Variants in FLII observed in about 807,000 individuals in gnomAD.
FLII encodes the protein FLII actin remodeling protein.
In FLII, 101 loss-of-function variants were observed where a neutral mutation model predicts 156.2. That is an observed-to-expected ratio of 0.65 (90% confidence interval 0.55 to 0.76). The LOEUF (loss-of-function observed/expected upper bound fraction) is 0.76, where lower values mean the gene tolerates loss of function less well. Among genes scored for constraint, FLII ranks in the 30% least tolerant of loss-of-function variants. FLII has a pLI of 0.00. For synonymous variants in FLII, 767 were observed against 685.8 expected (o/e 1.12, Z -1.85); for missense variants, 1,675 against 1,682.8 (o/e 1.00, Z 0.08).
At position 18,258,644 on chromosome 17, in the gene FLII, C is replaced by T. The variant is rs1198456025; in HGVS notation, c.47G>A (p.Ser16Asn). The change falls in exon 1 of 30, where the codon AGC (serine) becomes AAC (asparagine). Residue 16 changes from serine (S) to asparagine (N), a missense_variant. By Grantham distance (46) the Ser-to-Asn change is conservative. Coordinates refer to ENST00000327031, the MANE Select transcript of FLII (RefSeq NM_002018.4). The surrounding 1 kb of genome is among the most constrained non-coding windows in gnomAD (Gnocchi z 4.2). ...VLPFVRGVDLSGNDFKGGYFP... is the reference protein window; with the variant it reads ...VLPFVRGVDLNGNDFKGGYFP... The stretch of plus-strand genomic sequence containing the variant: ...CCGGCTCACCTTGAAGTCGTTGCCG[C>T]TGAGGTCCACGCCACGCACGAACGG... 1 of 1,558,102 alleles carries T rather than the reference C, an allele frequency of 6.4e-7. No individual in the cohort carries two copies. The highest frequency in any genetic ancestry group is 8.6e-7 in the Non-Finnish European group (1 of 1,162,104).
intron 14 of FLII, among the ~76,000 whole-genome samples, chr17:18,249,984 G>A (rs2048209988): frequency 6.6e-6 from 1 of 151,864 alleles, no homozygotes; most frequent in Non-Finnish European, 1.5e-5. Context: ...AGCTAGGCGT[G>A]GTAGCACATG....
At chr17:18,250,111 AGTCT>A (rs1270191165) in intron 14 of FLII, among the ~76,000 whole-genome samples, 6 of 152,230 alleles carry the variant, frequency 3.9e-5, no homozygotes, top group Middle Eastern at 3.2e-3. Flanking sequence ...ACAAAGCGAG[AGTCT>A]GTCTAAAATA....
Position 18,247,910 on chromosome 17 carries a change from C to T in FLII, c.2295+19G>A. 1 of 1,613,478 alleles carries T rather than the reference C, an allele frequency of 6.2e-7. No homozygotes were observed. Among genetic ancestry groups the T allele is most frequent in the South Asian group, 1.1e-5 (1 of 91,058 alleles). On this transcript the variant is annotated intron_variant, in intron 19 of 29. Coordinates refer to ENST00000327031, the MANE Select transcript of FLII (RefSeq NM_002018.4). Reference sequence around the variant, plus strand: ...ACGGGGAGGGATCTGGCCCCACGCCCTCCTCCTGCATCTCTTACCAGCCGC... The same window carrying T: ...ACGGGGAGGGATCTGGCCCCACGCCTTCCTCCTGCATCTCTTACCAGCCGC...
intron 9 of FLII, 110 bp from the exon 10 acceptor site, chr17:18,252,666 C>G: frequency 1.2e-6 from 1 of 806,734 alleles, no homozygotes; most frequent in South Asian, 1.4e-5. Context: ...GAGGAACTGG[C>G]GGGGGTCTCC....
intron 29 of FLII, 28 bp from the exon 30 acceptor site, chr17:18,245,300 G>C (rs370069054): frequency 1.2e-6 from 2 of 1,613,074 alleles, no homozygotes; most frequent in Non-Finnish European, 1.7e-6. Flanking sequence ...AGCCTTGGGT[G>C]ATGACCCTGC....
chr17:18,255,152 ACAGGGGC>A, intron 4 of FLII, 24 bp downstream of exon 4: 1 of 1,543,738 alleles, frequency 6.5e-7, no homozygotes, highest in Non-Finnish European at 9.0e-7. Flanking sequence ...TCCGGCTAGC[ACAGGGGC>A]CAGGTGAGTG....
rs2048301207 is a variant in FLII at position 18,252,498 on chromosome 17, C to T, written c.1072G>A (p.Ala358Thr). 1.2e-6 allele frequency: 2 copies of T among 1,613,772 alleles called. No individual in the cohort carries two copies. Among genetic ancestry groups the T allele is most frequent in the East Asian group, 2.2e-5 (1 of 44,886 alleles). ...TCGATCTCCGTCAGGAAATGGATGGCTTCTGGGAGGGTCACCAGGTGGTTC... is the reference window on the plus strand; with the variant it reads ...TCGATCTCCGTCAGGAAATGGATGGTTTCTGGGAGGGTCACCAGGTGGTTC... ...NKNHLVTLPE[A>T]IHFLTEIEVL... Residue 358 changes from alanine to threonine, a missense_variant, in exon 10 of 30, where the codon GCC (alanine) becomes ACC (threonine). Coordinates refer to ENST00000327031, the MANE Select transcript of FLII (RefSeq NM_002018.4).
rs747252738 is a variant in FLII at position 18,247,013 on chromosome 17, C to G, written c.2716G>C (p.Gly906Arg). The G allele has an allele frequency of 6.2e-7, 1 of 1,613,960 alleles. No individual in the cohort carries two copies. The highest frequency in any genetic ancestry group is 1.6e-4 in the Middle Eastern group (1 of 6,062). Residue 906 changes from glycine (G) to arginine (R), a missense_variant, in exon 22 of 30, where the codon GGC (glycine) becomes CGC (arginine). Gly to Arg is a moderately radical substitution (Grantham distance 125, BLOSUM62 -2). Transcript: ENST00000327031. Reference sequence around the variant, plus strand: ...CCCTCCAGCACGAAACCCTCCATGCCGTCTAGGTCTTCGTTCCACTCCTCC... The same window carrying G: ...CCCTCCAGCACGAAACCCTCCATGCGGTCTAGGTCTTCGTTCCACTCCTCC... ...LMEEWNEDLD[G>R]MEGFVLEGKK...
At chr17:18,256,687 G>A in intron 2 of FLII, 90 bp from the exon 3 acceptor site, 2 of 1,215,808 alleles carry the variant, frequency 1.6e-6, no homozygotes, top group Non-Finnish European at 1.2e-6. Flanking sequence ...CATCCAGGAA[G>A]GCCTCAGCCA....
Position 18,249,386 on chromosome 17 carries a change from T to C in FLII, c.1799A>G (p.Tyr600Cys). 2 of 1,614,062 alleles carry C rather than the reference T, an allele frequency of 1.2e-6. No individual in the cohort carries two copies. Among genetic ancestry groups the C allele is most frequent in the South Asian group, 2.2e-5 (2 of 91,082 alleles). ...FLQVFDNDIS[Y>C]IEGGTASGFY... is the part of the protein sequence containing the mutation. Reference sequence around the variant, plus strand: ...GCCACTGGCTGTTCCACCCTCAATGTAGGAGATGTCGTTGTCAAACACCTG... The same window carrying C: ...GCCACTGGCTGTTCCACCCTCAATGCAGGAGATGTCGTTGTCAAACACCTG... The change falls in exon 15 of 30, where the codon TAC becomes TGC. Residue 600 changes from tyrosine (Y) to cysteine (C), a missense_variant. Around this residue, in one of 2 missense-constraint regions of FLII, gnomAD observed 1,332 missense variants for 1,269.3 expected, o/e 1.05. Transcript: ENST00000327031.
intron 20 of FLII, 22 bp downstream of exon 20, chr17:18,247,635 G>C: frequency 6.4e-7 from 1 of 1,552,754 alleles, no homozygotes. Context: ...CTGGGGAGGG[G>C]CCTCCGAAGC....
chr17:18,247,856 C>G lies in FLII; in HGVS notation c.2296-8G>C. The G allele has an allele frequency of 2.5e-6, 4 of 1,614,014 alleles. No individual in the cohort carries two copies. Among genetic ancestry groups the G allele is most frequent in the Non-Finnish European group, 3.4e-6 (4 of 1,180,006 alleles). On this transcript the variant is annotated splice_region_variant and splice_polypyrimidine_tract_variant and intron_variant, in intron 19 of 29. Coordinates refer to ENST00000327031, the MANE Select transcript of FLII (RefSeq NM_002018.4). ...GTCCAGCAGACTCTGCAGCTGCGGA[C>G]CGGGAGTCTGGAGGTCAAAGCCCAG...
At position 18,251,282 on chromosome 17, in the gene FLII, A is replaced by C; in HGVS notation, c.1579T>G (p.Cys527Gly). ...GCCCTCACCTTGAGCACAATGTAGCAGTCAGCCTCGTAGAACTTGCCGTGG... is the reference window on the plus strand; with the variant it reads ...GCCCTCACCTTGAGCACAATGTAGCCGTCAGCCTCGTAGAACTTGCCGTGG... ...AFHGKFYEAD[C>G]YIVLKTFLDD... is the part of the protein sequence containing the mutation. The change falls in exon 13 of 30, where the codon TGC (cysteine) becomes GGC (glycine). Residue 527 changes from cysteine to glycine, a missense_variant. Transcript: ENST00000327031. 6.2e-7 allele frequency: 1 copy of C among 1,613,990 alleles called. No homozygotes were observed.
chr17:18,252,080 A>T lies in FLII; in HGVS notation c.1165T>A (p.Trp389Arg). The T allele has an allele frequency of 1.2e-6, 2 of 1,613,296 alleles. No individual in the cohort carries two copies. The highest frequency in any genetic ancestry group is 1.7e-6 in the Non-Finnish European group (2 of 1,180,010). The change falls in exon 11 of 30, where the codon TGG (tryptophan) becomes AGG (arginine). Residue 389 changes from tryptophan (W) to arginine (R), a missense_variant. Physicochemically the swap from Trp to Arg is moderately radical, Grantham distance 101. This residue lies in a region of FLII where 1,332 missense variants were observed against 1,269.3 expected (regional missense o/e 1.05). Coordinates refer to ENST00000327031, the MANE Select transcript of FLII (RefSeq NM_002018.4). ...PPKPADRAAEWYNIDFSLQNQ... is the reference protein window; with the variant it reads ...PPKPADRAAERYNIDFSLQNQ... ...TGCAGCGAGAAGTCGATGTTGTACC[A>T]CTCAGCGGCACGGTCTGCGGGCTTG...
Position 18,250,937 on chromosome 17 carries a change from A to G in FLII, c.1677T>C (p.Ala559=), listed in dbSNP as rs375133703. Residue 559 remains alanine, a synonymous_variant, in exon 14 of 30, where the codon GCT becomes GCC. Coordinates refer to ENST00000327031, the MANE Select transcript of FLII (RefSeq NM_002018.4). ...IGGEATLDKK[A]CSAIHAVNLR... is the part of the protein sequence containing the mutation. ...AGTTGACAGCGTGGATGGCAGAGCA[A>G]GCTTTCTTGTCGAGTGTGGCCTCCC... 2 of 1,613,854 alleles carry G rather than the reference A, an allele frequency of 1.2e-6. No individual in the cohort carries two copies. Among genetic ancestry groups the G allele is most frequent in the African/African-American group, 2.7e-5 (2 of 74,934 alleles).
chr17:18,252,112 A>C lies in FLII; in HGVS notation c.1133T>G (p.Met378Arg). 1.2e-6 allele frequency: 2 copies of C among 1,613,408 alleles called. No individual in the cohort carries two copies. The highest frequency in any genetic ancestry group is 1.7e-6 in the Non-Finnish European group (2 of 1,180,030). The change falls in exon 11 of 30, where the codon ATG becomes AGG. Residue 378 changes from methionine (M) to arginine (R), a missense_variant. Transcript: ENST00000327031. The stretch of plus-strand genomic sequence containing the variant: ...GGCACGGTCTGCGGGCTTGGGCGGC[A>C]TGACCAGGTTGGGGTTCTCCCGCAC... ...LDVRENPNLV[M>R]PPKPADRAAE...
rs773408695 is a variant in FLII at position 18,250,918 on chromosome 17, C to T, written c.1696G>A (p.Val566Ile). 8 of 1,613,948 alleles carry T rather than the reference C, an allele frequency of 5.0e-6. No homozygotes were observed. The highest frequency in any genetic ancestry group is 2.2e-5 in the South Asian group (2 of 91,084). The change falls in exon 14 of 30, where the codon GTC becomes ATC. Residue 566 changes from valine (V) to isoleucine (I), a missense_variant. Coordinates refer to ENST00000327031, the MANE Select transcript of FLII (RefSeq NM_002018.4). ...DKKACSAIHA[V>I]NLRNYLGAEC... ...GCACCCAGGTAGTTGCGCAAGTTGACAGCGTGGATGGCAGAGCAAGCTTTC... is the reference window on the plus strand; with the variant it reads ...GCACCCAGGTAGTTGCGCAAGTTGATAGCGTGGATGGCAGAGCAAGCTTTC...
Position 18,255,243 on chromosome 17 carries a change from G to A in FLII, c.267C>T (p.Asn89=). 6.2e-7 allele frequency: 1 copy of A among 1,613,962 alleles called. No individual in the cohort carries two copies. Among genetic ancestry groups the A allele is most frequent in the Non-Finnish European group, 8.5e-7 (1 of 1,179,852 alleles). ...PSLRAIVARA[N]SLKNSGVPDD... The stretch of plus-strand genomic sequence containing the variant: ...CGGGGACTCCGGAATTCTTCAGACT[G>A]TTGGCTCGGGCCACGATGGCCTGGG... Residue 89 remains asparagine (N), a synonymous_variant, in exon 4 of 30, where the codon AAC becomes AAT. Transcript: ENST00000327031.
At chr17:18,248,361 C>T (rs1320329934) in intron 18 of FLII, among the ~76,000 whole-genome samples, 189 bp downstream of exon 18, 2 of 152,186 alleles carry the variant, frequency 1.3e-5, no homozygotes, top group African/African-American at 4.8e-5. Context: ...CCTGGAAAGA[C>T]TCCGTGAGGC....
Sources: gnomAD v4.1 joint callset for allele counts (sites outside exome capture counted in the v4.1 genomes callset) on GRCh38, gnomAD v4.1.1 for gene constraint, gnomAD v4.1.1 regional missense constraint, Gnocchi (gnomAD v3.1) non-coding constraint, MANE v1.5 for transcripts, NCBI Gene and HGNC (gene_info 2026-07-23, HGNC 2026-07-21) for gene names.